Variants in PCBP3 observed in about 807,000 individuals in gnomAD.
PCBP3 encodes the protein poly(rC) binding protein 3.
In PCBP3, 25 loss-of-function variants were observed where a neutral mutation model predicts 52.7. The observed-to-expected ratio is 0.47, with a 90% CI of 0.35 to 0.66. The LOEUF is 0.66. Among genes scored for constraint, PCBP3 ranks in the 30% least tolerant of loss-of-function variants. PCBP3 has a pLI of 0.01. For synonymous variants in PCBP3, 162 were observed against 183.0 expected (o/e 0.89, Z 0.93); for missense variants, 391 against 490.3 (o/e 0.80, Z 1.91).
At chr21:45,667,864 A>G (rs1475830581) in intron 1 of PCBP3, among the ~76,000 whole-genome samples, 2 of 151,618 alleles carry the variant, frequency 1.3e-5, no homozygotes, top group Non-Finnish European at 2.9e-5. Context: ...GTTTCTGTTC[A>G]TTTGTTTATG....
At chr21:45,686,774 T>C (rs2082180264) in intron 2 of PCBP3, among the ~76,000 whole-genome samples, 1 of 152,042 alleles carries the variant, frequency 6.6e-6, no homozygotes, top group Non-Finnish European at 1.5e-5. Context: ...CTTTAATAAA[T>C]GAAATTAACA....
intron 1 of PCBP3, among the ~76,000 whole-genome samples, chr21:45,663,350 C>T (rs528757719): frequency 6.6e-6 from 1 of 152,128 alleles, no homozygotes; most frequent in African/African-American, 2.4e-5. Context: ...GTGTCCGCGT[C>T]TTGGTGGTAG....
intron 5 of PCBP3, among the ~76,000 whole-genome samples, chr21:45,876,416 G>C (rs924630415): frequency 6.6e-6 from 1 of 152,226 alleles, no homozygotes; most frequent in African/African-American, 2.4e-5. Context: ...CATGAGACCA[G>C]TGTGGCTGGG....
intron 2 of PCBP3, among the ~76,000 whole-genome samples, chr21:45,670,212 G>C (rs2081088503): frequency 6.6e-6 from 1 of 152,068 alleles, no homozygotes; most frequent in African/African-American, 2.4e-5. Context: ...GATTAGTAAT[G>C]TTGACCATTT....
intron 5 of PCBP3, among the ~76,000 whole-genome samples, chr21:45,893,499 TG>T (rs1444038320): frequency 1.1e-5 from 1 of 88,944 alleles, no homozygotes; most frequent in Admixed American, 1.1e-4. Context: ...CCCTGGGAGC[TG>T]GGGTGCAGAG....
intron 5 of PCBP3, among the ~76,000 whole-genome samples, chr21:45,888,571 G>A (rs970484245): frequency 5.3e-5 from 8 of 152,230 alleles, no homozygotes; most frequent in African/African-American, 1.9e-4. Context: ...CTCCGGGGCA[G>A]GGCCCTGCTC....
At chr21:45,764,860 C>G (rs1444502386) in intron 4 of PCBP3, among the ~76,000 whole-genome samples, 1 of 152,184 alleles carries the variant, frequency 6.6e-6, no homozygotes, top group African/African-American at 2.4e-5. Flanking sequence ...ATGTGCGCTT[C>G]CTGGGAACGG....
intron 13 of PCBP3, among the ~76,000 whole-genome samples, chr21:45,926,202 G>A (rs1271926877): frequency 6.6e-6 from 1 of 152,174 alleles, no homozygotes; most frequent in East Asian, 1.9e-4. Context: ...CTGTTGCCTG[G>A]TGACCTTGCA....
At chr21:45,867,746 G>A (rs1255436100) in intron 5 of PCBP3, among the ~76,000 whole-genome samples, 1 of 152,266 alleles carries the variant, frequency 6.6e-6, no homozygotes, top group African/African-American at 2.4e-5. Context: ...GTCCGGCTGC[G>A]GCCACAGAAG....
intron 4 of PCBP3, among the ~76,000 whole-genome samples, chr21:45,835,587 C>T (rs2093565507): frequency 6.6e-6 from 1 of 152,374 alleles, no homozygotes; most frequent in South Asian, 2.1e-4. Context: ...CCTCAGCATT[C>T]TGGGCACTCA....
chr21:45,712,867 CTAAT>C (rs561996305), intron 2 of PCBP3, among the ~76,000 whole-genome samples: 104 of 152,244 alleles, frequency 6.8e-4, no homozygotes, highest in African/African-American at 2.4e-3. Context: ...CCATGCCCAG[CTAAT>C]TAAAGAAAAT....
rs375597241 is a variant in PCBP3 at position 45,684,475 on chromosome 21, G to A, written c.-200+15523G>A. 4.3e-4 allele frequency among the ~76,000 whole-genome samples: 65 copies of A among 152,264 alleles called. 2 individuals are homozygous for A. In the South Asian group the frequency reaches 0.012, roughly 29 times the overall value. Reference sequence around the variant, plus strand: ...TTGGAGGTGGGGCCTAGTGGGAGGTGTTTGGATCATGGGGGAAGATCCCTC... The same window carrying A: ...TTGGAGGTGGGGCCTAGTGGGAGGTATTTGGATCATGGGGGAAGATCCCTC... On this transcript the variant is annotated intron_variant, in intron 2 of 17. Coordinates refer to ENST00000681687, the MANE Select transcript of PCBP3 (RefSeq NM_001384156.1).
chr21:45,771,210 G>GT (rs537691283), intron 4 of PCBP3, among the ~76,000 whole-genome samples: 69 of 152,300 alleles, frequency 4.5e-4, no homozygotes, highest in African/African-American at 1.5e-3. Context: ...GTAACATTAA[G>GT]TTTTTTGCAT....
At chr21:45,717,187 A>G (rs1296387938) in intron 2 of PCBP3, among the ~76,000 whole-genome samples, 1 of 152,104 alleles carries the variant, frequency 6.6e-6, no homozygotes, top group African/African-American at 2.4e-5. Context: ...TACTTTTTGT[A>G]TATTGATCCC....
chr21:45,892,767 C>T (rs1437388478), intron 5 of PCBP3, among the ~76,000 whole-genome samples: 1 of 152,180 alleles, frequency 6.6e-6, no homozygotes, highest in African/African-American at 2.4e-5. Flanking sequence ...CACCCCCAGG[C>T]CCCAAGCTCA....
chr21:45,895,959 G>A (rs2149009271), intron 5 of PCBP3, among the ~76,000 whole-genome samples: 1 of 152,372 alleles, frequency 6.6e-6, no homozygotes, highest in East Asian at 1.9e-4. Context: ...TCGGCCAGGG[G>A]CTGCGGTGGC....
Position 45,846,299 on chromosome 21 carries a change from T to C in PCBP3, c.-125-3662T>C, listed in dbSNP as rs77336896. Among the ~76,000 whole-genome samples the C allele has an allele frequency of 5.7e-3, 872 of 152,314 alleles. 9 individuals are homozygous for C. Among genetic ancestry groups the C allele is most frequent in the East Asian group, 0.042 (220 of 5,180 alleles). ...ATATAAATTACCAAGGAAATAGCCT[T>C]TGGTTAAAGTTCATTATTTTCTGGT... On this transcript the variant is annotated intron_variant, in intron 4 of 17. Coordinates refer to ENST00000681687, the MANE Select transcript of PCBP3 (RefSeq NM_001384156.1).
intron 13 of PCBP3, among the ~76,000 whole-genome samples, chr21:45,920,224 C>T (rs918342403): frequency 6.6e-6 from 1 of 152,174 alleles, no homozygotes; most frequent in Non-Finnish European, 1.5e-5. Context: ...TACGGATTTC[C>T]TGTGGCCACA....
rs766019695 is a variant in PCBP3 at position 45,823,209 on chromosome 21, C to G, written c.-125-26752C>G. 3.9e-5 allele frequency among the ~76,000 whole-genome samples: 6 copies of G among 152,342 alleles called. No individual in the cohort carries two copies. In the Middle Eastern group the frequency reaches 0.014, roughly 345 times the overall value. ...TTTTGTGAAATGACCTCTGCAGTCC[C>G]CATGACCCCTCAGGTCAGTCACCTC... On this transcript the variant is annotated intron_variant, in intron 4 of 17. Transcript: ENST00000681687.
Sources: gnomAD v4.1 joint callset for allele counts (sites outside exome capture counted in the v4.1 genomes callset) on GRCh38, gnomAD v4.1.1 for gene constraint, MANE v1.5 for transcripts, NCBI Gene and HGNC (gene_info 2026-07-23, HGNC 2026-07-21) for gene names.